Variants in DAPK1 observed in about 807,000 individuals in gnomAD.
The protein encoded by DAPK1 is death associated protein kinase 1.
A neutral mutation model predicts 144.9 loss-of-function variants in DAPK1; 56 were observed. The observed-to-expected ratio is 0.39, with a 90% confidence interval of 0.31 to 0.48. The LOEUF (loss-of-function observed/expected upper bound fraction) is 0.48. DAPK1 is among the 20% of genes least tolerant of loss of function. The pLI is 0.95. For missense variants in DAPK1, 1,454 were observed against 1,875.4 expected, an observed-to-expected ratio of 0.78 and a Z score of 4.15; for synonymous variants, 690 against 749.0, an observed-to-expected ratio of 0.92 and a Z score of 1.29.
chr9:87,615,800 G>A (rs147787256), intron 3 of DAPK1, among the ~76,000 whole-genome samples: 1 of 152,230 alleles, frequency 6.6e-6, no homozygotes, highest in Non-Finnish European at 1.5e-5. Context: ...GGTAAGGAAC[G>A]CTGTGCCCCC....
Position 87,640,355 on chromosome 9 carries a change from A to G in DAPK1, c.687A>G (p.Val229=), listed in dbSNP as rs375173208. 6.2e-7 allele frequency: 1 copy of G among 1,614,134 alleles called. No individual in the cohort carries two copies. Among genetic ancestry groups the G allele is most frequent in the Non-Finnish European group, 8.5e-7 (1 of 1,180,032 alleles). The change falls in exon 8 of 26, where the codon GTA becomes GTG. Residue 229 remains valine (V), a synonymous_variant. Coordinates refer to ENST00000408954, the MANE Select transcript of DAPK1 (RefSeq NM_004938.4). ...GDTKQETLAN[V]SAVNYEFEDE... ...CTAAGCAAGAAACGTTAGCAAATGT[A>G]TCCGCTGTCAACTACGAATTTGAGG...
intron 2 of DAPK1, among the ~76,000 whole-genome samples, chr9:87,540,785 C>T (rs1442466354): frequency 2.6e-5 from 4 of 152,188 alleles, no homozygotes; most frequent in African/African-American, 9.7e-5. Flanking sequence ...TAGTTGCTCA[C>T]TTACCTGTCT....
chr9:87,523,990 G>A (rs552145619), intron 2 of DAPK1, among the ~76,000 whole-genome samples: 13 of 152,350 alleles, frequency 8.5e-5, no homozygotes, highest in Admixed American at 2.0e-4. Context: ...AGGCATGCTA[G>A]TGAGTGCACT....
chr9:87,538,002 A>G (rs1039952220), intron 2 of DAPK1, among the ~76,000 whole-genome samples: 2 of 152,214 alleles, frequency 1.3e-5, no homozygotes, highest in Non-Finnish European at 2.9e-5. Context: ...ATGCTTTGTA[A>G]CTCAGCAGAT....
chr9:87,512,117 G>A (rs1193059820), intron 2 of DAPK1, among the ~76,000 whole-genome samples: 1 of 152,154 alleles, frequency 6.6e-6, no homozygotes, highest in African/African-American at 2.4e-5. Flanking sequence ...AGGCACAGTG[G>A]TGTGATCATA....
chr9:87,547,576 AGAGTGTGTGT>A (rs66712847), intron 2 of DAPK1, among the ~76,000 whole-genome samples: 59,994 of 145,422 alleles, frequency 0.41, 12,024 homozygotes, highest in African/African-American at 0.48. Flanking sequence ...GGAGAGAGAG[AGAGTGTGTGT>A]GTGTGTGTGT....
intron 2 of DAPK1, among the ~76,000 whole-genome samples, chr9:87,501,513 C>A (rs1280693048): frequency 2.0e-5 from 3 of 151,980 alleles, no homozygotes; most frequent in Admixed American, 6.6e-5. Flanking sequence ...CCACTGCCCT[C>A]CAGCCTGGGT....
chr9:87,592,238 G>A (rs932618415), intron 2 of DAPK1, among the ~76,000 whole-genome samples: 1 of 152,194 alleles, frequency 6.6e-6, no homozygotes, highest in Non-Finnish European at 1.5e-5. Context: ...ATGATGAGGA[G>A]GAAACCCAGC....
At chr9:87,606,557 TCTCC>T (rs1227235283) in intron 3 of DAPK1, among the ~76,000 whole-genome samples, 4 of 68,060 alleles carry the variant, frequency 5.9e-5, no homozygotes, top group South Asian at 6.7e-4. Context: ...TCTCTCCCTC[TCTCC>T]CTCCCTCCGT....
intron 19 of DAPK1, among the ~76,000 whole-genome samples, chr9:87,676,588 A>G (rs1824392120): frequency 6.6e-6 from 1 of 152,368 alleles, no homozygotes; most frequent in Non-Finnish European, 1.5e-5. Flanking sequence ...TTGCCTTTCA[A>G]GATGATGGTG....
intron 2 of DAPK1, among the ~76,000 whole-genome samples, chr9:87,585,632 A>G (rs1270736501): frequency 6.6e-6 from 1 of 152,228 alleles, no homozygotes; most frequent in Non-Finnish European, 1.5e-5. Context: ...TGACTTAGCT[A>G]TGGTTCATCT....
At chr9:87,684,731 G>A (rs1824778288) in intron 20 of DAPK1, among the ~76,000 whole-genome samples, 3 of 151,898 alleles carry the variant, frequency 2.0e-5, no homozygotes, top group South Asian at 2.1e-4. Flanking sequence ...AGGAATTCCC[G>A]GTGACCAGGT....
Position 87,686,402 on chromosome 9 carries a change from G to C in DAPK1, c.2225-149G>C. On this transcript the variant is annotated intron_variant, in intron 20 of 25. Coordinates refer to ENST00000408954, the MANE Select transcript of DAPK1 (RefSeq NM_004938.4). This position sits in a 1 kb window ranked among gnomAD's most constrained non-coding sequence, Gnocchi z 4.2. ...TGCTGGGAACACTGCTGCCCTGCACGTGTGAGGGCAGACACACTCAGCCTG... is the reference window on the plus strand; with the variant it reads ...TGCTGGGAACACTGCTGCCCTGCACCTGTGAGGGCAGACACACTCAGCCTG... The C allele has an allele frequency of 1.6e-6, 1 of 611,838 alleles. No individual in the cohort carries two copies. The highest frequency in any genetic ancestry group is 2.8e-5 in the East Asian group (1 of 36,252). 37.9% of individuals were successfully genotyped at this position (611,838 alleles called of 1,614,324 possible).
Position 87,697,168 on chromosome 9 carries a change from T to C in DAPK1, c.2575T>C (p.Phe859Leu). 1 of 1,584,534 alleles carries C rather than the reference T, an allele frequency of 6.3e-7. No homozygotes were observed. The highest frequency in any genetic ancestry group is 1.3e-5 in the African/African-American group (1 of 74,458). Residue 859 changes from phenylalanine to leucine, a missense_variant, in exon 22 of 26, where the codon TTC becomes CTC. Phe to Leu is a conservative substitution (Grantham distance 22, BLOSUM62 0). Around this residue, in one of 2 missense-constraint regions of DAPK1, gnomAD observed 1,025 missense variants for 1,237.9 expected, o/e 0.83. Transcript: ENST00000408954. ...QLNQVIFWLS[F>L]LKSLVPVEEP... ...GAACCAAGTGATTTTCTGGCTCAGT[T>C]TCCTGAAGTCCCTTGTCCCAGTTGA... is the stretch of plus-strand genomic sequence containing the variant.
intron 18 of DAPK1, among the ~76,000 whole-genome samples, chr9:87,659,241 CT>C (rs1269247328): frequency 6.6e-6 from 1 of 152,184 alleles, no homozygotes; most frequent in Non-Finnish European, 1.5e-5. Flanking sequence ...GGGCCCAGCT[CT>C]GTGCTTTCTC....
chr9:87,587,509 A>G (rs1827976673), intron 2 of DAPK1, among the ~76,000 whole-genome samples: 1 of 152,214 alleles, frequency 6.6e-6, no homozygotes, highest in South Asian at 2.1e-4. Context: ...TGGCTCTCCA[A>G]GAGATGGAGC....
At chr9:87,561,530 GA>G (rs58732772) in intron 2 of DAPK1, among the ~76,000 whole-genome samples, 2 of 149,770 alleles carry the variant, frequency 1.3e-5, no homozygotes, top group Non-Finnish European at 3.0e-5. Context: ...CGTCTCAAAA[GA>G]AAAAAAAAAT....
chr9:87,664,572 G>A (rs1206071988), intron 18 of DAPK1, among the ~76,000 whole-genome samples: 1 of 152,206 alleles, frequency 6.6e-6, no homozygotes, highest in South Asian at 2.1e-4. Context: ...TGCCCCTGTG[G>A]GCTGGTAGTC....
At chr9:87,567,713 T>C (rs1428005533) in intron 2 of DAPK1, among the ~76,000 whole-genome samples, 3 of 152,138 alleles carry the variant, frequency 2.0e-5, no homozygotes, top group African/African-American at 7.2e-5. Flanking sequence ...GTTGCACTCA[T>C]AGGGCTACCA....
Sources: gnomAD v4.1 joint callset for allele counts (sites outside exome capture counted in the v4.1 genomes callset) on GRCh38, gnomAD v4.1.1 for gene constraint, gnomAD v4.1.1 regional missense constraint, Gnocchi (gnomAD v3.1) non-coding constraint, MANE v1.5 for transcripts, NCBI Gene and HGNC (gene_info 2026-07-23, HGNC 2026-07-21) for gene names.